The following LPIN2 variants were observed in gnomAD, a reference collection of about 807,000 sequenced individuals.
LPIN2 encodes the protein phosphatidate phosphatase LPIN2.
LPIN2 carries 55 observed loss-of-function variants against 111.4 expected under a neutral mutation model. The observed-to-expected ratio is 0.49, with a 90% CI of 0.40 to 0.62. The LOEUF (loss-of-function observed/expected upper bound fraction) is 0.62. Among genes scored for constraint, LPIN2 ranks in the 20% least tolerant of loss-of-function variants. LPIN2 has a pLI of 0.00. For missense variants in LPIN2, 992 were observed against 1,112.1 expected, an observed-to-expected ratio of 0.89 and a Z score of 1.54; for synonymous variants, 425 against 414.0, an observed-to-expected ratio of 1.03 and a Z score of -0.32.
chr18:2,955,933 A>G (rs1183048955), intron 2 of LPIN2, among the ~76,000 whole-genome samples: 1 of 152,130 alleles, frequency 6.6e-6, no homozygotes, highest in Non-Finnish European at 1.5e-5. Flanking sequence ...AACAAACAAA[A>G]CAAAACAAAA....
chr18:2,998,146 C>T (rs1176558343), intron 1 of LPIN2, among the ~76,000 whole-genome samples: 2 of 152,220 alleles, frequency 1.3e-5, no homozygotes, highest in Admixed American at 1.3e-4. Flanking sequence ...AGAGGTACCT[C>T]CCTTTCCTGG....
intron 1 of LPIN2, among the ~76,000 whole-genome samples, chr18:2,994,631 T>TTA (rs2078313970): frequency 6.6e-6 from 1 of 152,230 alleles, no homozygotes; most frequent in Non-Finnish European, 1.5e-5. Context: ...TTTTAATAGT[T>TTA]TAGATACAGG....
Position 2,951,352 on chromosome 18 carries a change from T to G in LPIN2, c.293A>C (p.Lys98Thr), listed in dbSNP as rs2077534397. Residue 98 changes from lysine to threonine, a missense_variant, in exon 4 of 20, where the codon AAG becomes ACG. Transcript: ENST00000677752. ...TGAGGTGGCAAGGTAAGCAGGAAGC[T>G]TTTCCTTGAGGAGAATGGAGAAAGA... ...FVEETEEEYE[K>T]LPAYLATSPI... 6.2e-7 allele frequency: 1 copy of G among 1,613,662 alleles called. No homozygotes were observed. Among genetic ancestry groups the G allele is most frequent in the African/African-American group, 1.3e-5 (1 of 74,866 alleles).
chr18:2,962,830 AC>A (rs2077733725), intron 1 of LPIN2, among the ~76,000 whole-genome samples: 5 of 152,180 alleles, frequency 3.3e-5, no homozygotes, highest in South Asian at 2.1e-4. Context: ...GAAAAAAAAA[AC>A]ATGTTAGACC....
At chr18:2,923,951 A>C (rs2077093967) in intron 15 of LPIN2, 90 bp from the exon 16 acceptor site, 1 of 1,018,436 alleles carries the variant, frequency 9.8e-7, no homozygotes, top group Non-Finnish European at 1.6e-6. Context: ...GCCAATAACT[A>C]ATTGGTGGCG....
At chr18:2,924,618 A>C in intron 14 of LPIN2, 72 bp from the exon 15 acceptor site, 1 of 1,497,774 alleles carries the variant, frequency 6.7e-7, no homozygotes, top group Non-Finnish European at 9.3e-7. Flanking sequence ...AATTTACAGA[A>C]CAACTGGTGT....
chr18:2,924,495 T>C lies in LPIN2; in HGVS notation c.1990A>G (p.Thr664Ala). The change falls in exon 15 of 20, where the codon ACC becomes GCC. Residue 664 changes from threonine to alanine, a missense_variant. Thr to Ala is a moderately conservative substitution (Grantham distance 58). Transcript: ENST00000677752. The stretch of plus-strand genomic sequence containing the variant: ...CAGCGACAGGTGCCTTGATACTGGG[T>C]TGTAATACTAAACACAACATCATTT... ...GPNDVVFSIT[T>A]QYQGTCRCAG... is the part of the protein sequence containing the mutation. 2.5e-6 allele frequency: 4 copies of C among 1,614,184 alleles called. No individual in the cohort carries two copies. Among genetic ancestry groups the C allele is most frequent in the Non-Finnish European group, 3.4e-6 (4 of 1,180,030 alleles).
At chr18:2,930,397 C>A (rs2077197001) in intron 9 of LPIN2, among the ~76,000 whole-genome samples, 1 of 152,116 alleles carries the variant, frequency 6.6e-6, no homozygotes, top group Admixed American at 6.5e-5. Context: ...AAATATAAAG[C>A]AAACAAACAA....
chr18:2,924,360 G>A (rs754639595), intron 15 of LPIN2, 38 bp downstream of exon 15: 1 of 1,613,500 alleles, frequency 6.2e-7, no homozygotes, highest in Non-Finnish European at 8.5e-7. Context: ...CTGAGCACGG[G>A]GCTGTTCCTT....
At position 2,937,685 on chromosome 18, in the gene LPIN2, C is replaced by T. The variant is rs370807298; in HGVS notation, c.1168+7G>A. 1.4e-5 allele frequency: 22 copies of T among 1,611,990 alleles called. No individual in the cohort carries two copies. Among genetic ancestry groups the T allele is most frequent in the African/African-American group, 5.4e-5 (4 of 74,604 alleles). ...AGTACCTGGAGCCAAATTAAACAAA[C>T]GATTACCTTTCTTCTTTGACGGCGA... On this transcript the variant is annotated splice_region_variant and intron_variant, in intron 7 of 19. Coordinates refer to ENST00000677752, the MANE Select transcript of LPIN2 (RefSeq NM_001375808.2).
At chr18:2,947,695 C>T (rs2077475019) in intron 4 of LPIN2, among the ~76,000 whole-genome samples, 1 of 152,200 alleles carries the variant, frequency 6.6e-6, no homozygotes, top group South Asian at 2.1e-4. Context: ...CATTTATCTT[C>T]TCTGGAAAAA....
In LPIN2 at chr18:2,925,609, T is replaced by C; in HGVS notation, c.1794-241A>G. Among the ~76,000 whole-genome samples, 1 of 152,348 alleles carries C rather than the reference T, an allele frequency of 6.6e-6. No homozygotes were observed. Among genetic ancestry groups the C allele is most frequent in the South Asian group, 2.1e-4 (1 of 4,826 alleles). On this transcript the variant is annotated intron_variant, in intron 13 of 19. Coordinates refer to ENST00000677752, the MANE Select transcript of LPIN2 (RefSeq NM_001375808.2). This position sits in a 1 kb window ranked among gnomAD's most constrained non-coding sequence, Gnocchi z 4.1. ...TTTCTGACTATGACCTGCTATTTTC[T>C]GCTATGCCCAGTGAATGCTAGAAGG...
chr18:2,981,150 C>G (rs2078104382), intron 1 of LPIN2, among the ~76,000 whole-genome samples: 1 of 152,300 alleles, frequency 6.6e-6, no homozygotes, highest in Non-Finnish European at 1.5e-5. Context: ...AAAACTGAAA[C>G]TGTCACCTTA....
intron 19 of LPIN2, 115 bp from the exon 20 acceptor site, chr18:2,920,552 C>T (rs555990335): frequency 8.7e-7 from 1 of 1,146,390 alleles, no homozygotes; most frequent in Non-Finnish European, 1.3e-6. Context: ...GGTTCAGAGG[C>T]AGGCCTCAGT....
At chr18:2,920,753 G>A in intron 19 of LPIN2, 25 bp downstream of exon 19, 2 of 1,577,682 alleles carry the variant, frequency 1.3e-6, no homozygotes, top group Non-Finnish European at 1.7e-6. Context: ...CAGGGCGCCG[G>A]GCTGAGAGCT....
chr18:2,991,534 G>A (rs909212514), intron 1 of LPIN2, among the ~76,000 whole-genome samples: 4 of 152,082 alleles, frequency 2.6e-5, no homozygotes, highest in Non-Finnish European at 5.9e-5. Context: ...AACATAGTGA[G>A]ACCCTGTTTC....
chr18:2,944,769 C>T (rs1010515974), intron 4 of LPIN2, among the ~76,000 whole-genome samples: 4 of 152,116 alleles, frequency 2.6e-5, no homozygotes, highest in African/African-American at 7.2e-5. Flanking sequence ...AAATCAGTAA[C>T]AATTAGTCAT....
At chr18:2,960,564 G>T (rs1285145602) in intron 2 of LPIN2, 85 bp downstream of exon 2, 1 of 1,355,248 alleles carries the variant, frequency 7.4e-7, no homozygotes, top group Non-Finnish European at 1.1e-6. Context: ...TATTCATAGA[G>T]GATGACTTTT....
At chr18:2,992,478 G>A (rs144940595) in intron 1 of LPIN2, among the ~76,000 whole-genome samples, 1 of 152,306 alleles carries the variant, frequency 6.6e-6, no homozygotes, top group East Asian at 1.9e-4. Flanking sequence ...AGCAGTGATG[G>A]TTGTACAACA....
Sources: allele counts gnomAD v4.1 joint callset (sites outside exome capture counted in the v4.1 genomes callset), GRCh38; gene constraint gnomAD v4.1.1; non-coding constraint Gnocchi (gnomAD v3.1); transcripts MANE v1.5; gene names NCBI Gene and HGNC (gene_info 2026-07-23, HGNC 2026-07-21).